Variants in AJAP1 observed in about 807,000 individuals in gnomAD.
AJAP1 encodes the protein adherens junction-associated protein 1.
A neutral mutation model predicts 35.0 loss-of-function variants in AJAP1; 5 were observed. That is an observed-to-expected ratio of 0.14 (90% CI 0.07 to 0.30). The LOEUF (loss-of-function observed/expected upper bound fraction) is 0.30. Ranked by LOEUF, AJAP1 falls within the 10% of genes least tolerant of loss-of-function variation. The probability of loss-of-function intolerance (pLI) is 1.00; values close to 1 mark genes in which losing one functional copy is unlikely to be tolerated. For synonymous variants in AJAP1, 284 were observed against 249.3 expected (o/e 1.14, Z -1.31); for missense variants, 586 against 571.0 (o/e 1.03, Z -0.27).
At position 4,786,880 on chromosome 1, in the gene AJAP1, C is replaced by G. The variant is rs948012812; in HGVS notation, c.*4395C>G. ...TGTTGACACCATCACCCTCTTTCAT[C>G]AAGGTGATCTCTTTCATCAGGGCAT... is the stretch of plus-strand genomic sequence containing the variant. On this transcript the variant is annotated 3_prime_UTR_variant, in exon 6 of 6. Coordinates refer to ENST00000378191, the MANE Select transcript of AJAP1 (RefSeq NM_018836.4). 6.6e-6 allele frequency: 1 copy of G among 152,272 alleles called. No homozygotes were observed. Among genetic ancestry groups the G allele is most frequent in the Non-Finnish European group, 1.5e-5 (1 of 68,076 alleles). 9.4% of individuals were successfully genotyped at this position (152,272 alleles called of 1,614,324 possible). A position where few individuals can be genotyped will look rare whatever the true frequency, so the allele number is the denominator to read the frequency against.
chr1:4,791,467 G>A lies in AJAP1; in HGVS notation c.*8982G>A, dbSNP rs1642247579. ...CGAAAGGCTGAATGAGTGGGGACAA[G>A]TCACAGAGATCTCGCCATGGTTAGC... is the stretch of plus-strand genomic sequence containing the variant. On this transcript the variant is annotated 3_prime_UTR_variant, in exon 6 of 6. Transcript: ENST00000378191. 1 of 152,242 alleles carries A rather than the reference G, an allele frequency of 6.6e-6. No individual in the cohort carries two copies. Among genetic ancestry groups the A allele is most frequent in the Admixed American group, 6.5e-5 (1 of 15,286 alleles). 9.4% of individuals were successfully genotyped at this position (152,242 alleles called of 1,614,324 possible).
chr1:4,731,197 C>T (rs1001563795), intron 2 of AJAP1, among the ~76,000 whole-genome samples: 1 of 152,190 alleles, frequency 6.6e-6, no homozygotes, highest in East Asian at 1.9e-4. Flanking sequence ...TCTCTTGCCT[C>T]GGCCTCCTGA....
chr1:4,780,614 T>C (rs1192289341), intron 5 of AJAP1, among the ~76,000 whole-genome samples: 2 of 148,838 alleles, frequency 1.3e-5, no homozygotes, highest in East Asian at 4.0e-4. Context: ...TTTTTCTTTT[T>C]TCTTTTCTTT....
At chr1:4,725,317 G>A (rs1269592437) in intron 2 of AJAP1, among the ~76,000 whole-genome samples, 2 of 152,204 alleles carry the variant, frequency 1.3e-5, no homozygotes, top group African/African-American at 4.8e-5. Flanking sequence ...GTGGGGAAGG[G>A]ATGTGAGTGG....
intron 1 of AJAP1, among the ~76,000 whole-genome samples, chr1:4,681,647 A>T (rs1341769126): frequency 1.3e-5 from 2 of 152,214 alleles, no homozygotes; most frequent in Non-Finnish European, 2.9e-5. Flanking sequence ...TTTCCTTCTC[A>T]TTCCGACCAA....
At chr1:4,751,903 C>T (rs1256182435) in intron 2 of AJAP1, among the ~76,000 whole-genome samples, 1 of 152,216 alleles carries the variant, frequency 6.6e-6, no homozygotes, top group Non-Finnish European at 1.5e-5. Flanking sequence ...CTGGACACAG[C>T]AGCTGAGGAG....
At position 4,746,945 on chromosome 1, in the gene AJAP1, G is replaced by A. The variant is rs144868937; in HGVS notation, c.830-22908G>A. The stretch of plus-strand genomic sequence containing the variant: ...AGGGACTGTGGGTCTTGATAGGAGC[G>A]CCAAGGTAAAAGCACCAGATTAGTC... On this transcript the variant is annotated intron_variant, in intron 2 of 5. Transcript: ENST00000378191. 4.2e-3 allele frequency among the ~76,000 whole-genome samples: 644 copies of A among 152,292 alleles called. 6 individuals carry two copies. The highest frequency in any genetic ancestry group is 0.014 in the African/African-American group (584 of 41,568).
chr1:4,698,878 G>T (rs1306539566), intron 1 of AJAP1, among the ~76,000 whole-genome samples: 2 of 152,198 alleles, frequency 1.3e-5, no homozygotes, highest in African/African-American at 4.8e-5. Flanking sequence ...GCCCTTGGCT[G>T]CAGCTTGTAC....
intron 1 of AJAP1, among the ~76,000 whole-genome samples, chr1:4,688,565 G>C (rs1002316294): frequency 6.6e-6 from 1 of 151,992 alleles, no homozygotes; most frequent in Admixed American, 6.6e-5. Flanking sequence ...CTAAGGTCAG[G>C]AGTTCGAGAC....
chr1:4,770,082 T>A, intron 3 of AJAP1, 142 bp downstream of exon 3: 1 of 756,894 alleles, frequency 1.3e-6, no homozygotes. Context: ...CACAGGCTGC[T>A]CACCGTCCAG....
intron 1 of AJAP1, among the ~76,000 whole-genome samples, chr1:4,696,956 GTA>G (rs1297964586): frequency 6.6e-6 from 1 of 152,124 alleles, no homozygotes; most frequent in East Asian, 1.9e-4. Flanking sequence ...TGTTCTGTGT[GTA>G]TGTGTGTCTC....
Position 4,790,476 on chromosome 1 carries a change from G to A in AJAP1, c.*7991G>A, listed in dbSNP as rs1318819864. The A allele has an allele frequency of 6.6e-6, 1 of 152,170 alleles. No homozygotes were observed. Among genetic ancestry groups the A allele is most frequent in the Non-Finnish European group, 1.5e-5 (1 of 68,038 alleles). The allele number at this position is 152,170 out of a possible 1,614,324, so 9.4% of individuals were successfully genotyped here. On this transcript the variant is annotated 3_prime_UTR_variant, in exon 6 of 6. Transcript: ENST00000378191. ...TACAAGCACAATTCTCCCAGTTAAG[G>A]GGCTGGAAGACAAGCGGGGCAACTG...
At chr1:4,717,705 G>A (rs141366618) in intron 2 of AJAP1, among the ~76,000 whole-genome samples, 90 of 152,280 alleles carry the variant, frequency 5.9e-4, no homozygotes, top group African/African-American at 2.0e-3. Flanking sequence ...CACCCCAGCC[G>A]TCAGCTGACC....
chr1:4,770,070 G>A, intron 3 of AJAP1, 130 bp downstream of exon 3: 1 of 798,504 alleles, frequency 1.3e-6, no homozygotes, highest in Non-Finnish European at 2.1e-6. Context: ...CAGTTCAGCT[G>A]CCACAGGCTG....
At chr1:4,666,283 G>A (rs1270798687) in intron 1 of AJAP1, among the ~76,000 whole-genome samples, 1 of 152,164 alleles carries the variant, frequency 6.6e-6, no homozygotes, top group Non-Finnish European at 1.5e-5. Flanking sequence ...AGGTGTATTT[G>A]GGTCAGCCCT....
chr1:4,739,647 C>G (rs770744131), intron 2 of AJAP1, among the ~76,000 whole-genome samples: 1 of 152,162 alleles, frequency 6.6e-6, no homozygotes, highest in Non-Finnish European at 1.5e-5. Context: ...AGAAATGACC[C>G]TTGGAGCATA....
Position 4,655,473 on chromosome 1 carries a change from G to C in AJAP1, c.29+19G>C. On this transcript the variant is annotated intron_variant, in intron 1 of 5. Transcript: ENST00000378191. The surrounding 1 kb of genome is among the most constrained non-coding windows in gnomAD (Gnocchi z 6.9). The stretch of plus-strand genomic sequence containing the variant: ...GACTCAGGTGAGCGACCCGGCCGGC[G>C]CCGGGTGCGTGTGGGCGCGTGGGTG... The C allele has an allele frequency of 6.4e-7, 1 of 1,564,140 alleles. No homozygotes were observed. The highest frequency in any genetic ancestry group is 8.7e-7 in the Non-Finnish European group (1 of 1,154,514).
intron 1 of AJAP1, among the ~76,000 whole-genome samples, chr1:4,689,841 C>A (rs1301180466): frequency 1.4e-4 from 21 of 152,204 alleles, no homozygotes. Flanking sequence ...CCCCCTCTCG[C>A]GGATGCCCAG....
chr1:4,660,150 C>T lies in AJAP1; in HGVS notation c.29+4696C>T, dbSNP rs116509598. Among the ~76,000 whole-genome samples the T allele has an allele frequency of 3.4e-3, 520 of 152,352 alleles. 4 individuals are homozygous for T. Among genetic ancestry groups the T allele is most frequent in the African/African-American group, 0.012 (482 of 41,582 alleles). On this transcript the variant is annotated intron_variant, in intron 1 of 5. Transcript: ENST00000378191. ...CCTCCTCAATAAAGCTGTTTTTCTT[C>T]TACCACTGGCTTGCCCTTGAATTCT... is the stretch of plus-strand genomic sequence containing the variant.
Sources: allele counts gnomAD v4.1 joint callset (sites outside exome capture counted in the v4.1 genomes callset), GRCh38; gene constraint gnomAD v4.1.1; non-coding constraint Gnocchi (gnomAD v3.1); transcripts MANE v1.5; gene names NCBI Gene and HGNC (gene_info 2026-07-23, HGNC 2026-07-21).